The following CLNS1A variants were observed in gnomAD, a reference collection of about 807,000 sequenced individuals.
CLNS1A encodes chloride nucleotide-sensitive channel 1A.
A neutral mutation model predicts 29.4 loss-of-function variants in CLNS1A; 16 were observed. The ratio of observed to expected loss-of-function variants is 0.54; its 90% CI spans 0.37 to 0.83. The LOEUF (loss-of-function observed/expected upper bound fraction) is 0.83, where lower values mean the gene tolerates loss of function less well. Among genes scored for constraint, CLNS1A ranks in the 40% least tolerant of loss-of-function variants. The pLI, the probability that CLNS1A is intolerant of heterozygous loss-of-function variation, is 0.00. For missense variants in CLNS1A, 235 were observed against 287.4 expected (o/e 0.82, Z 1.32); for synonymous variants, 96 against 104.8 (o/e 0.92, Z 0.51).
chr11:77,629,795 T>C lies in CLNS1A; in HGVS notation c.230A>G (p.His77Arg). The C allele has an allele frequency of 1.2e-6, 2 of 1,613,300 alleles. No homozygotes were observed. Among genetic ancestry groups the C allele is most frequent in the South Asian group, 2.2e-5 (2 of 91,048 alleles). The change falls in exon 2 of 7, where the codon CAT becomes CGT. Residue 77 changes from histidine to arginine, a missense_variant. Physicochemically the swap from His to Arg is conservative, Grantham distance 29. Transcript: ENST00000525428. ...TTTGGCATTCACCATAACATACAAATGCTCTCCTAGACAGTCACTTCGGTC... is the reference window on the plus strand; with the variant it reads ...TTTGGCATTCACCATAACATACAAACGCTCTCCTAGACAGTCACTTCGGTC... ...SRDRSDCLGE[H>R]LYVMVNAKFE...
At chr11:77,633,115 C>T (rs183417038) in intron 1 of CLNS1A, among the ~76,000 whole-genome samples, 481 of 147,352 alleles carry the variant, frequency 3.3e-3, no homozygotes, top group African/African-American at 0.011. Flanking sequence ...AGAGATTTGA[C>T]AGTACATTCA....
intron 4 of CLNS1A, among the ~76,000 whole-genome samples, chr11:77,623,134 C>A (rs1354758003): frequency 6.6e-6 from 1 of 151,868 alleles, no homozygotes; most frequent in Non-Finnish European, 1.5e-5. Flanking sequence ...CAGCAATTCC[C>A]AAAGAATCCC....
chr11:77,635,199 C>T (rs1316074804), intron 1 of CLNS1A, among the ~76,000 whole-genome samples: 2 of 152,098 alleles, frequency 1.3e-5, no homozygotes, highest in Admixed American at 1.3e-4. Flanking sequence ...TGTCCCTGTT[C>T]TTCTGAACAG....
chr11:77,625,688 G>C (rs1359087200), intron 3 of CLNS1A, 29 bp downstream of exon 3: 1 of 1,587,010 alleles, frequency 6.3e-7, no homozygotes, highest in Non-Finnish European at 8.6e-7. Flanking sequence ...TATGTAAAAG[G>C]GGAAGAATCA....
chr11:77,621,794 AAGG>A (rs1958960776), intron 5 of CLNS1A: 1 of 335,124 alleles, frequency 3.0e-6, no homozygotes, highest in African/African-American at 2.1e-5. Flanking sequence ...AAATTGGGTG[AAGG>A]AGATTACCCT....
At chr11:77,622,728 G>A in intron 4 of CLNS1A, 55 bp from the exon 5 acceptor site, 1 of 1,355,652 alleles carries the variant, frequency 7.4e-7, no homozygotes, top group Non-Finnish European at 1.0e-6. Context: ...AAAACAAAAT[G>A]GAATCAATAA....
intron 5 of CLNS1A, among the ~76,000 whole-genome samples, chr11:77,620,613 A>G (rs1202545912): frequency 6.6e-6 from 1 of 152,058 alleles, no homozygotes; most frequent in Admixed American, 6.6e-5. Flanking sequence ...AGCCTGGCCA[A>G]CATGGCAAAA....
chr11:77,628,434 A>G (rs1460575891), intron 2 of CLNS1A, among the ~76,000 whole-genome samples: 1 of 152,128 alleles, frequency 6.6e-6, no homozygotes, highest in Non-Finnish European at 1.5e-5. Context: ...ACACTACTAC[A>G]CCCCAAGGTT....
In CLNS1A at chr11:77,637,782, C is replaced by T; in HGVS notation, c.-68G>A. ...ACAGCAATGCGTGCACCACACCGCC[C>T]GCCCTGGAAGAGGCAGTCACCCCGG... On this transcript the variant is annotated 5_prime_UTR_variant, in exon 1 of 7. Transcript: ENST00000525428. 1 of 1,477,728 alleles carries T rather than the reference C, an allele frequency of 6.8e-7. No individual in the cohort carries two copies. The highest frequency in any genetic ancestry group is 2.6e-5 in the East Asian group (1 of 38,700). The allele number at this position is 1,477,728 out of a possible 1,614,324, so 91.5% of individuals were successfully genotyped here.
At position 77,615,623 on chromosome 11, in the gene CLNS1A, A is replaced by G. The variant is rs555257218; in HGVS notation, c.*1095T>C. 6.6e-6 allele frequency: 1 copy of G among 152,284 alleles called. No individual in the cohort carries two copies. Among genetic ancestry groups the G allele is most frequent in the South Asian group, 2.1e-4 (1 of 4,820 alleles). 9.4% of individuals were successfully genotyped at this position (152,284 alleles called of 1,614,324 possible). A position where few individuals can be genotyped will look rare whatever the true frequency, so the allele number is the denominator to read the frequency against. On this transcript the variant is annotated 3_prime_UTR_variant, in exon 7 of 7. Coordinates refer to ENST00000525428, the MANE Select transcript of CLNS1A (RefSeq NM_001293.3). Reference sequence around the variant, plus strand: ...TGGCTGTTTTACTTGCCTATTGTTAACAGACTCAGAAATTCTGAGAGTCTG... The same window carrying G: ...TGGCTGTTTTACTTGCCTATTGTTAGCAGACTCAGAAATTCTGAGAGTCTG...
intron 6 of CLNS1A, among the ~76,000 whole-genome samples, chr11:77,617,815 G>C (rs1435049117): frequency 6.6e-6 from 1 of 151,678 alleles, no homozygotes; most frequent in East Asian, 1.9e-4. Context: ...CTACTTGGGA[G>C]ACTGAAGCAG....
At chr11:77,632,916 G>A (rs1274301869) in intron 1 of CLNS1A, among the ~76,000 whole-genome samples, 1 of 151,764 alleles carries the variant, frequency 6.6e-6, no homozygotes, top group Non-Finnish European at 1.5e-5. Flanking sequence ...GCGAAACCCT[G>A]TCTCTATTAA....
intron 2 of CLNS1A, among the ~76,000 whole-genome samples, chr11:77,627,986 C>T (rs1959037988): frequency 6.6e-6 from 1 of 152,048 alleles, no homozygotes; most frequent in African/African-American, 2.4e-5. Flanking sequence ...CCACCACGCC[C>T]AGCTAATTTT....
intron 1 of CLNS1A, among the ~76,000 whole-genome samples, chr11:77,631,034 C>T (rs533639536): frequency 6.6e-6 from 1 of 152,240 alleles, no homozygotes; most frequent in African/African-American, 2.4e-5. Context: ...ATATTCTATA[C>T]AATTTTAACA....
Position 77,616,188 on chromosome 11 carries a change from CA to C in CLNS1A, c.*529del, listed in dbSNP as rs1229889130. 4.6e-5 allele frequency: 7 copies of C among 152,144 alleles called. No individual in the cohort carries two copies. Among genetic ancestry groups the C allele is most frequent in the African/African-American group, 1.7e-4 (7 of 41,436 alleles). 9.4% of individuals were successfully genotyped at this position (152,144 alleles called of 1,614,324 possible). A position where few individuals can be genotyped will look rare whatever the true frequency, so the allele number is the denominator to read the frequency against. ...CCTAGGTTTATTTGTTAAGCTATTA[CA>C]AAAACAAAACAATTACCATTTGAAG... On this transcript the variant is annotated 3_prime_UTR_variant, in exon 7 of 7. Transcript: ENST00000525428.
chr11:77,628,176 T>C (rs1195903711), intron 2 of CLNS1A, among the ~76,000 whole-genome samples: 1 of 152,238 alleles, frequency 6.6e-6, no homozygotes, highest in Non-Finnish European at 1.5e-5. Flanking sequence ...CTAGTATTTA[T>C]TAAATGCTAT....
At position 77,629,651 on chromosome 11, in the gene CLNS1A, C is replaced by T. The variant is rs1959055037; in HGVS notation, c.262+112G>A. The T allele has an allele frequency of 3.0e-6, 3 of 1,000,140 alleles. No individual in the cohort carries two copies. The Admixed American group carries it at 7.3e-5, about 24-fold the overall frequency. 62.0% of individuals were successfully genotyped at this position (1,000,140 alleles called of 1,614,324 possible). ...CCTTGTGATCCGCCCGCCTCGGCCT[C>T]CCAGAGTGCTGGGATTACAGGCGTG... On this transcript the variant is annotated intron_variant, in intron 2 of 6. Coordinates refer to ENST00000525428, the MANE Select transcript of CLNS1A (RefSeq NM_001293.3).
chr11:77,637,338 GAA>G (rs57598480), intron 1 of CLNS1A, among the ~76,000 whole-genome samples: 21,799 of 107,306 alleles, frequency 0.2, 2,651 homozygotes, highest in African/African-American at 0.37. Flanking sequence ...AGGAAAAAAA[GAA>G]AAAAAAAAAA....
intron 5 of CLNS1A, among the ~76,000 whole-genome samples, chr11:77,621,294 AACACACAC>A (rs71854653): frequency 0.011 from 1,648 of 149,474 alleles, 15 homozygotes; most frequent in African/African-American, 0.022. Context: ...CTCTGTCTCA[AACACACAC>A]ACACACACAC....
Sources: allele counts gnomAD v4.1 joint callset (sites outside exome capture counted in the v4.1 genomes callset), GRCh38; gene constraint gnomAD v4.1.1; transcripts MANE v1.5; gene names NCBI Gene and HGNC (gene_info 2026-07-23, HGNC 2026-07-21).